IQCJ: variants seen among roughly 807,000 people sequenced by gnomAD.
The protein encoded by IQCJ is IQ domain-containing protein J.
In IQCJ, 9 loss-of-function variants were observed where a neutral mutation model predicts 11.0. The observed-to-expected ratio is 0.82, with a 90% confidence interval of 0.49 to 1.43. The LOEUF (loss-of-function observed/expected upper bound fraction) is 1.43. Among genes scored for constraint, IQCJ ranks in the 40% most tolerant of loss-of-function variants. The pLI is 0.00. For missense variants in IQCJ, 146 were observed against 133.2 expected (o/e 1.10, Z -0.47); for synonymous variants, 55 against 51.3 (o/e 1.07, Z -0.31).
chr3:159,111,689 A>G (rs185778766), intron 1 of IQCJ, among the ~76,000 whole-genome samples: 263 of 152,322 alleles, frequency 1.7e-3, no homozygotes, highest in Middle Eastern at 0.017. Flanking sequence ...TTGACCCCAA[A>G]GAACCTGCAC....
At position 159,143,056 on chromosome 3, in the gene IQCJ, C is replaced by T. The variant is rs535749354; in HGVS notation, c.9+73615C>T. ...GCAAACTGCTTTGTGTATGTTGCTGCATTTTTTAACCATCAAGTGTGTACA... is the reference window on the plus strand; with the variant it reads ...GCAAACTGCTTTGTGTATGTTGCTGTATTTTTTAACCATCAAGTGTGTACA... On this transcript the variant is annotated intron_variant, in intron 1 of 3. Coordinates refer to ENST00000397832, the MANE Select transcript of IQCJ (RefSeq NM_001042706.3). Among the ~76,000 whole-genome samples, 8 of 152,294 alleles carry T rather than the reference C, an allele frequency of 5.3e-5. No homozygotes were observed. The East Asian group carries it at 1.5e-3, about 29-fold the overall frequency.
intron 3 of IQCJ, among the ~76,000 whole-genome samples, chr3:159,256,850 T>C (rs1055019186): frequency 3.3e-5 from 5 of 152,226 alleles, no homozygotes; most frequent in African/African-American, 1.2e-4. Context: ...TTTCCTTAAG[T>C]AATTATAATA....
chr3:159,141,136 G>A (rs2108180586), intron 1 of IQCJ, among the ~76,000 whole-genome samples: 1 of 123,820 alleles, frequency 8.1e-6, no homozygotes, highest in African/African-American at 3.0e-5. Context: ...TCATATGGAG[G>A]TTCCAGAAAG....
intron 1 of IQCJ, among the ~76,000 whole-genome samples, chr3:159,080,071 G>A (rs1459155188): frequency 6.6e-6 from 1 of 152,010 alleles, no homozygotes; most frequent in African/African-American, 2.4e-5. Context: ...AGACTGTATT[G>A]CTGCACCAGA....
At chr3:159,242,209 A>T (rs1273754920) in intron 1 of IQCJ, among the ~76,000 whole-genome samples, 1 of 152,214 alleles carries the variant, frequency 6.6e-6, no homozygotes, top group Non-Finnish European at 1.5e-5. Flanking sequence ...TTCGTGTTAC[A>T]TACGGCTCTA....
chr3:159,219,990 T>G (rs1380982643), intron 1 of IQCJ, among the ~76,000 whole-genome samples: 1 of 152,040 alleles, frequency 6.6e-6, no homozygotes, highest in African/African-American at 2.4e-5. Context: ...GTTTTTGAAA[T>G]TTTTCTCTGT....
chr3:159,111,402 A>G (rs1419163343), intron 1 of IQCJ, among the ~76,000 whole-genome samples: 1 of 152,208 alleles, frequency 6.6e-6, no homozygotes, highest in Non-Finnish European at 1.5e-5. Flanking sequence ...ATGATGAAAA[A>G]AAAACTTGAA....
intron 1 of IQCJ, among the ~76,000 whole-genome samples, chr3:159,182,952 A>T (rs1249263386): frequency 6.6e-6 from 1 of 152,098 alleles, no homozygotes; most frequent in African/African-American, 2.4e-5. Flanking sequence ...GGAGGCAGAA[A>T]TTGGGCATAA....
intron 1 of IQCJ, among the ~76,000 whole-genome samples, chr3:159,162,638 G>GT (rs988635969): frequency 1.4e-4 from 21 of 152,174 alleles, no homozygotes; most frequent in African/African-American, 4.8e-4. Flanking sequence ...CCAGGAGCTG[G>GT]TTTTTTGAAA....
chr3:159,080,268 T>G (rs903447967), intron 1 of IQCJ, among the ~76,000 whole-genome samples: 2 of 152,142 alleles, frequency 1.3e-5, no homozygotes, highest in Non-Finnish European at 2.9e-5. Flanking sequence ...AAAGTTACTA[T>G]GAGCACACTT....
intron 1 of IQCJ, among the ~76,000 whole-genome samples, chr3:159,233,817 T>C (rs1426899355): frequency 6.6e-6 from 1 of 152,148 alleles, no homozygotes; most frequent in Non-Finnish European, 1.5e-5. Flanking sequence ...CAAAACACCT[T>C]TAAATATGTT....
At chr3:159,195,908 G>T (rs1723957143) in intron 1 of IQCJ, among the ~76,000 whole-genome samples, 1 of 152,170 alleles carries the variant, frequency 6.6e-6, no homozygotes, top group Non-Finnish European at 1.5e-5. Context: ...ACAGTGTCTT[G>T]CATAGGATAA....
intron 1 of IQCJ, among the ~76,000 whole-genome samples, chr3:159,120,162 T>G (rs73164354): frequency 0.28 from 42,829 of 152,078 alleles, 7,166 homozygotes; most frequent in Non-Finnish European, 0.39. Context: ...GGGATCATCA[T>G]GCATACCCCC....
In IQCJ at chr3:159,126,930, G is replaced by A. The variant is rs1719709932; in HGVS notation, c.9+57489G>A. Among the ~76,000 whole-genome samples the A allele has an allele frequency of 2.6e-5, 4 of 152,322 alleles. No individual in the cohort carries two copies. In the South Asian group the frequency reaches 8.3e-4, roughly 32 times the overall value. ...GAGGGCAAGCCAAAGACCAATGACT[G>A]ACATAGGTGGGTCAGCCGGTGGTTG... On this transcript the variant is annotated intron_variant, in intron 1 of 3. Coordinates refer to ENST00000397832, the MANE Select transcript of IQCJ (RefSeq NM_001042706.3).
intron 1 of IQCJ, among the ~76,000 whole-genome samples, chr3:159,151,515 T>G (rs1721216800): frequency 6.6e-6 from 1 of 152,228 alleles, no homozygotes; most frequent in South Asian, 2.1e-4. Flanking sequence ...CTGTCCTCTG[T>G]GGAGCTGCCC....
chr3:159,243,040 A>C (rs1444454997), intron 1 of IQCJ, among the ~76,000 whole-genome samples: 6 of 152,218 alleles, frequency 3.9e-5, no homozygotes, highest in Non-Finnish European at 7.3e-5. Flanking sequence ...AATTGAAATC[A>C]CAATAAGATA....
At chr3:159,242,569 CT>C (rs35549315) in intron 1 of IQCJ, among the ~76,000 whole-genome samples, 97,598 of 139,796 alleles carry the variant, frequency 0.7, 33,882 homozygotes, top group African/African-American at 0.74. Flanking sequence ...CCAGCTGAAT[CT>C]TTTTTTTTTT....
At chr3:159,143,310 G>C (rs1720735561) in intron 1 of IQCJ, among the ~76,000 whole-genome samples, 1 of 152,198 alleles carries the variant, frequency 6.6e-6, no homozygotes, top group Non-Finnish European at 1.5e-5. Context: ...TCCAAGTACT[G>C]TTCCATACAA....
chr3:159,117,487 A>T (rs2108133468), intron 1 of IQCJ, among the ~76,000 whole-genome samples: 2 of 152,328 alleles, frequency 1.3e-5, no homozygotes, highest in South Asian at 4.1e-4. Context: ...ATTTAATAAA[A>T]CGTTGAGTTC....
Sources: allele counts gnomAD v4.1 joint callset (sites outside exome capture counted in the v4.1 genomes callset), GRCh38; gene constraint gnomAD v4.1.1; transcripts MANE v1.5; gene names NCBI Gene and HGNC (gene_info 2026-07-23, HGNC 2026-07-21).